MSI2: variants seen among roughly 807,000 people sequenced by gnomAD.
The protein encoded by MSI2 is musashi RNA binding protein 2, also known as RNA-binding protein Musashi homolog 2.
In MSI2, 17 loss-of-function variants were observed where a neutral mutation model predicts 45.6. The ratio of observed to expected loss-of-function variants is 0.37; its 90% CI spans 0.26 to 0.56. MSI2 has a LOEUF of 0.56. Among genes scored for constraint, MSI2 ranks in the 20% least tolerant of loss-of-function variants. MSI2 has a pLI of 0.77. For missense variants in MSI2, 293 were observed against 444.2 expected (o/e 0.66, Z 3.06); for synonymous variants, 156 against 158.2 (o/e 0.99, Z 0.11).
downstream of MSI2, chr17:57,685,646 G>A (rs1913859156): frequency 6.6e-6 from 1 of 152,240 alleles, no homozygotes. Context: ...GGAGACAGTC[G>A]AAGGTGCATT....
intron 7 of MSI2, among the ~76,000 whole-genome samples, chr17:57,550,515 G>GT (rs2087278931): frequency 6.6e-6 from 1 of 152,198 alleles, no homozygotes; most frequent in South Asian, 2.1e-4. Context: ...ATTTGGGGGG[G>GT]TCACAGGGAA....
intron 11 of MSI2, among the ~76,000 whole-genome samples, chr17:57,658,051 A>T (rs780740063): frequency 6.6e-6 from 1 of 152,206 alleles, no homozygotes; most frequent in Non-Finnish European, 1.5e-5. Flanking sequence ...ATTTCTGAAG[A>T]TGGCTTTCCT....
intron 5 of MSI2, among the ~76,000 whole-genome samples, chr17:57,294,367 G>A (rs966396758): frequency 1.3e-5 from 2 of 152,154 alleles, no homozygotes; most frequent in African/African-American, 4.8e-5. Context: ...TCAGGGGGCC[G>A]TGGCAGATGA....
chr17:57,495,202 G>A (rs76582755), intron 6 of MSI2, among the ~76,000 whole-genome samples: 29 of 152,198 alleles, frequency 1.9e-4, no homozygotes, highest in African/African-American at 6.5e-4. Flanking sequence ...TGTCCAAACC[G>A]GGTCAAGAAC....
intron 10 of MSI2, among the ~76,000 whole-genome samples, chr17:57,634,325 G>C (rs1202805019): frequency 6.6e-6 from 1 of 151,952 alleles, no homozygotes; most frequent in Non-Finnish European, 1.5e-5. Context: ...AAATAGCCCG[G>C]AGTGGTGGCG....
At chr17:57,348,961 T>G (rs1915819693) in intron 5 of MSI2, among the ~76,000 whole-genome samples, 1 of 152,212 alleles carries the variant, frequency 6.6e-6, no homozygotes, top group African/African-American at 2.4e-5. Context: ...GTCCAAGCCT[T>G]TTATCTCAAA....
In MSI2 at chr17:57,503,781, G is replaced by C. The variant is rs971181239; in HGVS notation, c.406-25895G>C. ...TTTGTTTTTGAGACAGAGTCTTGCT[G>C]TTGTCCAGGCTGGAGTGCAGTCGCG... On this transcript the variant is annotated intron_variant, in intron 6 of 13. Coordinates refer to ENST00000284073, the MANE Select transcript of MSI2 (RefSeq NM_138962.4). Among the ~76,000 whole-genome samples the C allele has an allele frequency of 3.9e-5, 6 of 152,322 alleles. No homozygotes were observed. In the East Asian group the frequency reaches 1.2e-3, roughly 29 times the overall value.
intron 7 of MSI2, among the ~76,000 whole-genome samples, chr17:57,535,809 C>T (rs1392669125): frequency 2.0e-5 from 3 of 152,202 alleles, no homozygotes; most frequent in Non-Finnish European, 4.4e-5. Flanking sequence ...CTTCCTGGAG[C>T]TTGCTCAGTC....
intron 6 of MSI2, among the ~76,000 whole-genome samples, chr17:57,450,697 A>G (rs975806929): frequency 1.4e-5 from 2 of 138,022 alleles, no homozygotes; most frequent in East Asian, 2.1e-4. Context: ...AAAAAAAAAA[A>G]GGTGAGTAAA....
rs561553436 is a variant in MSI2 at position 57,623,065 on chromosome 17, C to T, written c.653-4164C>T. Among the ~76,000 whole-genome samples, 3 of 152,262 alleles carry T rather than the reference C, an allele frequency of 2.0e-5. No homozygotes were observed. In the East Asian group the frequency reaches 5.8e-4, roughly 29 times the overall value. On this transcript the variant is annotated intron_variant, in intron 9 of 13. Coordinates refer to ENST00000284073, the MANE Select transcript of MSI2 (RefSeq NM_138962.4). ...TAATTTGAATTAAATTTAAATTGGACGGCGCAGGTCTGGAGGAGCCCCTGC... is the reference window on the plus strand; with the variant it reads ...TAATTTGAATTAAATTTAAATTGGATGGCGCAGGTCTGGAGGAGCCCCTGC...
At chr17:57,675,183 G>T (rs1913137866) in intron 12 of MSI2, 57 bp downstream of exon 12, 1 of 1,540,548 alleles carries the variant, frequency 6.5e-7, no homozygotes, top group African/African-American at 1.4e-5. Flanking sequence ...AGCTCCTTGT[G>T]GCCTGTGGGT....
intron 6 of MSI2, among the ~76,000 whole-genome samples, chr17:57,466,053 T>C (rs2085324816): frequency 6.6e-6 from 1 of 152,102 alleles, no homozygotes; most frequent in African/African-American, 2.4e-5. Flanking sequence ...CTGAGGAGTG[T>C]GGGCAGCCCT....
At chr17:57,396,032 G>A (rs2083882290) in intron 5 of MSI2, among the ~76,000 whole-genome samples, 1 of 152,268 alleles carries the variant, frequency 6.6e-6, no homozygotes, top group African/African-American at 2.4e-5. Flanking sequence ...CCACAGATGA[G>A]GCATCATCTG....
chr17:57,455,794 T>C (rs2085102681), intron 6 of MSI2, among the ~76,000 whole-genome samples: 1 of 152,184 alleles, frequency 6.6e-6, no homozygotes, highest in African/African-American at 2.4e-5. Context: ...AACCTGCTCA[T>C]GCTGATTTGC....
intron 5 of MSI2, among the ~76,000 whole-genome samples, chr17:57,371,223 AT>A (rs2083415667): frequency 6.6e-6 from 1 of 152,256 alleles, no homozygotes; most frequent in South Asian, 2.1e-4. Context: ...CAAGGTTGTA[AT>A]GTTTATTCCA....
chr17:57,548,476 G>A (rs914365516), intron 7 of MSI2, among the ~76,000 whole-genome samples: 1 of 152,190 alleles, frequency 6.6e-6, no homozygotes, highest in Non-Finnish European at 1.5e-5. Context: ...TAGGCTTGAA[G>A]TCATTTCCGA....
At chr17:57,587,223 C>T (rs1314979749) in intron 7 of MSI2, among the ~76,000 whole-genome samples, 3 of 152,244 alleles carry the variant, frequency 2.0e-5, no homozygotes, top group South Asian at 2.1e-4. Context: ...AATAAATGGT[C>T]GCCAGGTTAT....
chr17:57,295,798 C>G (rs565690714), intron 5 of MSI2, among the ~76,000 whole-genome samples: 1 of 152,036 alleles, frequency 6.6e-6, no homozygotes, highest in Non-Finnish European at 1.5e-5. Context: ...AAAACAGCAC[C>G]GTCATTTCCT....
At chr17:57,261,619 G>A (rs9941367) in intron 4 of MSI2, among the ~76,000 whole-genome samples, 71,300 of 151,996 alleles carry the variant, frequency 0.47, 19,742 homozygotes, top group African/African-American at 0.78. Context: ...TTGGATGTCT[G>A]TGGGGAGTTT....
Sources: gnomAD v4.1 joint callset for allele counts (sites outside exome capture counted in the v4.1 genomes callset) on GRCh38, gnomAD v4.1.1 for gene constraint, MANE v1.5 for transcripts, NCBI Gene and HGNC (gene_info 2026-07-23, HGNC 2026-07-21) for gene names.